Variants in VPS50 observed in about 807,000 individuals in gnomAD.
VPS50 encodes VPS50 subunit of EARP/GARPII complex, also known as syndetin.
VPS50 carries 70 observed loss-of-function variants against 139.7 expected under a neutral mutation model. The observed-to-expected ratio is 0.50, with a 90% CI of 0.41 to 0.61. The LOEUF (loss-of-function observed/expected upper bound fraction) is 0.61. Among genes scored for constraint, VPS50 ranks in the 20% least tolerant of loss-of-function variants. The pLI is 0.00. For synonymous variants in VPS50, 365 were observed against 376.7 expected (o/e 0.97, Z 0.36); for missense variants, 921 against 1,133.7 (o/e 0.81, Z 2.69).
intron 1 of VPS50, among the ~76,000 whole-genome samples, chr7:93,236,969 T>TTC (rs1794824272): frequency 8.1e-6 from 1 of 122,824 alleles, no homozygotes; most frequent in Non-Finnish European, 1.6e-5. Context: ...TTTTTTTTTT[T>TTC]CGAGACAGTC....
At chr7:93,336,448 G>A (rs1313401182) in intron 22 of VPS50, among the ~76,000 whole-genome samples, 1 of 152,214 alleles carries the variant, frequency 6.6e-6, no homozygotes, top group Non-Finnish European at 1.5e-5. Flanking sequence ...ACAGCAGAAA[G>A]TTGAATTTTT....
chr7:93,316,757 A>C (rs1797440615), intron 20 of VPS50, among the ~76,000 whole-genome samples: 1 of 152,222 alleles, frequency 6.6e-6, no homozygotes, highest in African/African-American at 2.4e-5. Flanking sequence ...ACATAGATGG[A>C]TGTGGAGGTC....
At chr7:93,243,730 ATAG>A (rs1795065238) in intron 2 of VPS50, among the ~76,000 whole-genome samples, 1 of 151,948 alleles carries the variant, frequency 6.6e-6, no homozygotes. Context: ...ATAATATATG[ATAG>A]TAGAGCCACA....
At chr7:93,303,965 T>A (rs1338289193) in intron 17 of VPS50, among the ~76,000 whole-genome samples, 1 of 151,868 alleles carries the variant, frequency 6.6e-6, no homozygotes, top group Non-Finnish European at 1.5e-5. Context: ...ACTAGTAGGT[T>A]CCTAATTTGT....
intron 2 of VPS50, among the ~76,000 whole-genome samples, chr7:93,242,091 A>G (rs538108348): frequency 6.6e-6 from 1 of 152,108 alleles, no homozygotes; most frequent in African/African-American, 2.4e-5. Flanking sequence ...CTTAAAAAAA[A>G]AATCACAAAA....
At position 93,257,424 on chromosome 7, in the gene VPS50, G is replaced by A; in HGVS notation, c.382G>A (p.Gly128Ser). Reference protein sequence around the residue: ...ELERVTSLQTGLQLAAVICTN... With the variant: ...ELERVTSLQTSLQLAAVICTN... ...TGAAAGAGTTACCTCATTGCAGACA[G>A]GTCTTCAATTAGCTGCTGTTATCTG... The change falls in exon 6 of 28, where the codon GGT becomes AGT. Residue 128 changes from glycine (G) to serine (S), a missense_variant. Gly to Ser is a moderately conservative substitution (Grantham distance 56). Around this residue, in one of 3 missense-constraint regions of VPS50, gnomAD observed 744 missense variants for 930.6 expected, o/e 0.80. Transcript: ENST00000305866. The A allele has an allele frequency of 6.2e-7, 1 of 1,604,718 alleles. No individual in the cohort carries two copies. The highest frequency in any genetic ancestry group is 1.1e-5 in the South Asian group (1 of 90,566).
intron 20 of VPS50, among the ~76,000 whole-genome samples, chr7:93,314,398 G>A (rs1797360944): frequency 6.6e-6 from 1 of 152,144 alleles, no homozygotes; most frequent in Non-Finnish European, 1.5e-5. Context: ...AAAGGCTCAG[G>A]GAGGCTTTGC....
intron 9 of VPS50, among the ~76,000 whole-genome samples, chr7:93,269,548 A>G (rs1584409521): frequency 6.6e-6 from 1 of 152,120 alleles, no homozygotes; most frequent in East Asian, 1.9e-4. Flanking sequence ...GACATTTATC[A>G]TTGAGAGCAT....
At chr7:93,315,061 G>GTGTT (rs1584460270) in intron 20 of VPS50, among the ~76,000 whole-genome samples, 1 of 152,166 alleles carries the variant, frequency 6.6e-6, no homozygotes, top group Non-Finnish European at 1.5e-5. Flanking sequence ...GGAAACATTA[G>GTGTT]TGTTAGTACA....
chr7:93,305,413 A>G (rs1797086640), intron 17 of VPS50, among the ~76,000 whole-genome samples: 1 of 151,982 alleles, frequency 6.6e-6, no homozygotes, highest in Admixed American at 6.6e-5. Flanking sequence ...TTTGTACAGA[A>G]TATCTTAAGT....
At chr7:93,341,724 A>T (rs1798216616) in intron 23 of VPS50, 149 bp downstream of exon 23, 2 of 499,962 alleles carry the variant, frequency 4.0e-6, no homozygotes. Context: ...TCTAACACAG[A>T]TTACCAATTG....
At chr7:93,346,136 G>A (rs1798385689) in intron 23 of VPS50, among the ~76,000 whole-genome samples, 1 of 152,134 alleles carries the variant, frequency 6.6e-6, no homozygotes, top group Non-Finnish European at 1.5e-5. Flanking sequence ...AAAATCTCAG[G>A]ATATAAAATC....
chr7:93,261,346 C>A (rs1795666301), intron 9 of VPS50, among the ~76,000 whole-genome samples: 1 of 152,108 alleles, frequency 6.6e-6, no homozygotes, highest in African/African-American at 2.4e-5. Flanking sequence ...AGAACATAAT[C>A]TATCAAGAAG....
intron 3 of VPS50, among the ~76,000 whole-genome samples, chr7:93,253,123 A>G (rs1176879597): frequency 6.6e-6 from 1 of 152,226 alleles, no homozygotes; most frequent in Non-Finnish European, 1.5e-5. Context: ...TTGTTTAGTG[A>G]TGATAAAAAT....
At chr7:93,241,605 C>G (rs1343561170) in intron 2 of VPS50, among the ~76,000 whole-genome samples, 1 of 152,010 alleles carries the variant, frequency 6.6e-6, no homozygotes, top group East Asian at 1.9e-4. Context: ...GGAGGGTGAG[C>G]AGAGCTTCTG....
Position 93,323,853 on chromosome 7 carries a change from A to G in VPS50, c.1977+121A>G, listed in dbSNP as rs978373452. 33 of 429,372 alleles carry G rather than the reference A, an allele frequency of 7.7e-5. 1 individual carries two copies. Among genetic ancestry groups the G allele is most frequent in the African/African-American group, 4.3e-4 (21 of 48,492 alleles). The allele number at this position is 429,372 out of a possible 1,614,324, so 26.6% of individuals were successfully genotyped here. On this transcript the variant is annotated intron_variant, in intron 21 of 27. Transcript: ENST00000305866. ...ACATTATTTTGGGGATTATGCATCA[A>G]AAACAAAATTATTGATATCAGCCTT...
chr7:93,252,645 T>TC lies in VPS50; in HGVS notation c.103-7dup. 6.3e-7 allele frequency: 1 copy of TC among 1,576,730 alleles called. No homozygotes were observed. On this transcript the variant is annotated splice_region_variant and splice_polypyrimidine_tract_variant and intron_variant, in intron 2 of 27. Coordinates refer to ENST00000305866, the MANE Select transcript of VPS50 (RefSeq NM_017667.4). Reference sequence around the variant, plus strand: ...AATTACTATAATTGTGATTTTTTTTTCTTAAAGGAAGAATTCAGGGAACTT... The same window carrying TC: ...AATTACTATAATTGTGATTTTTTTTTCCTTAAAGGAAGAATTCAGGGAACTT...
intron 21 of VPS50, among the ~76,000 whole-genome samples, chr7:93,324,353 C>CCTAT (rs1159422285): frequency 6.6e-6 from 1 of 152,140 alleles, no homozygotes; most frequent in Non-Finnish European, 1.5e-5. Flanking sequence ...AGAGGGCATC[C>CCTAT]CTATCTTGTG....
chr7:93,346,185 C>G (rs1798387505), intron 23 of VPS50, among the ~76,000 whole-genome samples: 1 of 152,134 alleles, frequency 6.6e-6, no homozygotes, highest in Non-Finnish European at 1.5e-5. Flanking sequence ...ACACCAACAA[C>G]AGACAGAGAG....
Sources: gnomAD v4.1 joint callset for allele counts (sites outside exome capture counted in the v4.1 genomes callset) on GRCh38, gnomAD v4.1.1 for gene constraint, gnomAD v4.1.1 regional missense constraint, MANE v1.5 for transcripts, NCBI Gene and HGNC (gene_info 2026-07-23, HGNC 2026-07-21) for gene names.